PDE4B: variants seen among roughly 807,000 people sequenced by gnomAD.
The protein encoded by PDE4B is phosphodiesterase 4B, also known as 3',5'-cyclic-AMP phosphodiesterase 4B.
A neutral mutation model predicts 82.2 loss-of-function variants in PDE4B; 20 were observed. That is an observed-to-expected ratio of 0.24 (90% CI 0.17 to 0.35). The LOEUF (loss-of-function observed/expected upper bound fraction) is 0.35. PDE4B is among the 10% of genes least tolerant of loss of function. The pLI is 1.00. For missense variants in PDE4B, 655 were observed against 907.2 expected, an observed-to-expected ratio of 0.72 and a Z score of 3.57; for synonymous variants, 320 against 318.9, an observed-to-expected ratio of 1.00 and a Z score of -0.04.
chr1:66,130,108 CT>C (rs1645910259), intron 3 of PDE4B, among the ~76,000 whole-genome samples: 2 of 152,192 alleles, frequency 1.3e-5, no homozygotes, highest in South Asian at 2.1e-4. Context: ...TGGCTCAAAT[CT>C]TTACATGACT....
intron 3 of PDE4B, among the ~76,000 whole-genome samples, chr1:66,221,154 A>C (rs955811946): frequency 1.3e-5 from 2 of 152,158 alleles, no homozygotes; most frequent in Non-Finnish European, 2.9e-5. Context: ...GAGAAAAAGC[A>C]GGACCCTTCA....
chr1:65,879,288 G>A (rs1646684062), intron 1 of PDE4B, among the ~76,000 whole-genome samples: 1 of 152,152 alleles, frequency 6.6e-6, no homozygotes, highest in African/African-American at 2.4e-5. Context: ...CTACTGTGTA[G>A]CAGGTGCAGG....
intron 3 of PDE4B, among the ~76,000 whole-genome samples, chr1:66,080,451 G>A (rs948050323): frequency 5.3e-5 from 8 of 152,246 alleles, no homozygotes; most frequent in South Asian, 4.1e-4. Flanking sequence ...GGGAAAAGAA[G>A]AGACTTCATT....
chr1:65,861,021 T>C lies in PDE4B; in HGVS notation c.-70-52224T>C, dbSNP rs536428840. On this transcript the variant is annotated intron_variant, in intron 1 of 16. Coordinates refer to ENST00000341517, the MANE Select transcript of PDE4B (RefSeq NM_002600.4). ...TTGCCTGTTCAGTCTGATGATAGTT[T>C]CTTTTGCTGTGCAGAAGTGTTTTAG... 5.6e-4 allele frequency among the ~76,000 whole-genome samples: 85 copies of C among 152,374 alleles called. No individual in the cohort carries two copies. The Middle Eastern group carries it at 0.02, about 37-fold the overall frequency.
chr1:66,230,862 A>T (rs1415572643), intron 3 of PDE4B, among the ~76,000 whole-genome samples: 3 of 152,144 alleles, frequency 2.0e-5, no homozygotes, highest in Admixed American at 6.5e-5. Flanking sequence ...CCTGGCCAAC[A>T]TGGTGAAACC....
At chr1:66,351,979 C>A (rs192740353) in intron 8 of PDE4B, among the ~76,000 whole-genome samples, 99 of 152,276 alleles carry the variant, frequency 6.5e-4, no homozygotes, top group Admixed American at 2.6e-3. Context: ...CCTTCCACCC[C>A]CCGCCGTCTG....
At chr1:66,232,158 C>T (rs563056486) in intron 3 of PDE4B, among the ~76,000 whole-genome samples, 62 of 152,284 alleles carry the variant, frequency 4.1e-4, no homozygotes, top group African/African-American at 8.9e-4. Context: ...GGAATGTTGA[C>T]GTTTCTGAAA....
intron 7 of PDE4B, among the ~76,000 whole-genome samples, chr1:66,294,743 A>G (rs570271643): frequency 5.3e-5 from 8 of 152,282 alleles, no homozygotes; most frequent in African/African-American, 1.9e-4. Context: ...CACACAGTAA[A>G]GGGAAAATCA....
At chr1:66,214,115 G>A (rs547243879) in intron 3 of PDE4B, among the ~76,000 whole-genome samples, 38 of 152,246 alleles carry the variant, frequency 2.5e-4, no homozygotes, top group African/African-American at 8.9e-4. Flanking sequence ...GATGATGAAG[G>A]CTAAGCAACA....
At chr1:65,839,538 T>C (rs1646183141) in intron 1 of PDE4B, among the ~76,000 whole-genome samples, 1 of 152,114 alleles carries the variant, frequency 6.6e-6, no homozygotes, top group Non-Finnish European at 1.5e-5. Context: ...TCTGTTCTTG[T>C]GTTAGTTTGC....
chr1:65,827,646 C>G (rs558330508), intron 1 of PDE4B, among the ~76,000 whole-genome samples: 1 of 152,174 alleles, frequency 6.6e-6, no homozygotes, highest in African/African-American at 2.4e-5. Flanking sequence ...CATCCAAGAG[C>G]TGAGACATTA....
At chr1:66,158,860 G>T (rs966322964) in intron 3 of PDE4B, among the ~76,000 whole-genome samples, 13 of 152,122 alleles carry the variant, frequency 8.5e-5, no homozygotes, top group African/African-American at 3.1e-4. Context: ...AATACTGCAT[G>T]ATCTCACTCA....
chr1:65,956,711 A>G (rs1028166684), intron 3 of PDE4B, among the ~76,000 whole-genome samples: 1 of 152,134 alleles, frequency 6.6e-6, no homozygotes, highest in African/African-American at 2.4e-5. Flanking sequence ...ATCACTGTAA[A>G]TGTTATGTAT....
intron 3 of PDE4B, among the ~76,000 whole-genome samples, chr1:65,938,307 G>A (rs971701394): frequency 6.6e-6 from 1 of 152,144 alleles, no homozygotes. Context: ...CTTGACTTGT[G>A]TCACCTTAGG....
intron 8 of PDE4B, among the ~76,000 whole-genome samples, chr1:66,353,220 G>T (rs4655836): frequency 0.032 from 4,823 of 152,266 alleles, 226 homozygotes; most frequent in African/African-American, 0.096. Flanking sequence ...TGAGATGATT[G>T]ATTCAGAGAT....
At chr1:66,026,971 G>A (rs550341783) in intron 3 of PDE4B, among the ~76,000 whole-genome samples, 5 of 152,098 alleles carry the variant, frequency 3.3e-5, no homozygotes. Context: ...TGCAAACTAA[G>A]ATTTGTTTTG....
intron 3 of PDE4B, among the ~76,000 whole-genome samples, chr1:66,087,817 A>C (rs536927510): frequency 2.9e-5 from 4 of 138,388 alleles, no homozygotes; most frequent in Non-Finnish European, 4.6e-5. Context: ...GAATTAAACA[A>C]TGAGAACACA....
chr1:65,858,408 AGAAAATGTATC>A (rs1646417063), intron 1 of PDE4B, among the ~76,000 whole-genome samples: 1 of 152,204 alleles, frequency 6.6e-6, no homozygotes, highest in African/African-American at 2.4e-5. Context: ...TTTTTACACA[AGAAAATGTATC>A]GAAGTTTTAA....
chr1:66,367,519 TAGAAAC>T, intron 13 of PDE4B, 171 bp from the exon 14 acceptor site: 3 of 539,242 alleles, frequency 5.6e-6, no homozygotes, highest in African/African-American at 1.9e-5. Flanking sequence ...ATTTTTTGCT[TAGAAAC>T]TGATGACTTC....
Sources: gnomAD v4.1 joint callset for allele counts (sites outside exome capture counted in the v4.1 genomes callset) on GRCh38, gnomAD v4.1.1 for gene constraint, MANE v1.5 for transcripts, NCBI Gene and HGNC (gene_info 2026-07-23, HGNC 2026-07-21) for gene names.